DOCK8: variants seen among roughly 807,000 people sequenced by gnomAD.
The protein encoded by DOCK8 is dedicator of cytokinesis 8.
In DOCK8, 141 loss-of-function variants were observed where a neutral mutation model predicts 245.6. The observed-to-expected ratio is 0.57, with a 90% CI of 0.50 to 0.66. The LOEUF (loss-of-function observed/expected upper bound fraction) is 0.66, where lower values mean the gene tolerates loss of function less well. Among genes scored for constraint, DOCK8 ranks in the 30% least tolerant of loss-of-function variants. DOCK8 has a pLI of 0.00. For synonymous variants in DOCK8, 1,168 were observed against 970.2 expected, an observed-to-expected ratio of 1.20 and a Z score of -3.79; for missense variants, 2,965 against 2,603.4, an observed-to-expected ratio of 1.14 and a Z score of -3.02.
chr9:454,555 A>T (rs1310867161), intron 46 of DOCK8: 1 of 152,132 alleles, frequency 6.6e-6, no homozygotes, highest in Non-Finnish European at 1.5e-5. Flanking sequence ...AATGCCTGTG[A>T]TGCACCGGGT....
chr9:450,354 A>G (rs1341090821), intron 45 of DOCK8, among the ~76,000 whole-genome samples: 3 of 152,214 alleles, frequency 2.0e-5, no homozygotes, highest in Admixed American at 2.0e-4. Context: ...CTCTTGGCTC[A>G]GTCAGCAGAT....
chr9:351,308 G>C (rs920571939), intron 14 of DOCK8, among the ~76,000 whole-genome samples: 8 of 152,164 alleles, frequency 5.3e-5, no homozygotes, highest in African/African-American at 1.9e-4. Flanking sequence ...CTTGTTTCTA[G>C]AGTGGCACCC....
At chr9:351,944 A>G (rs952341938) in intron 14 of DOCK8, among the ~76,000 whole-genome samples, 3 of 152,182 alleles carry the variant, frequency 2.0e-5, no homozygotes, top group Admixed American at 2.0e-4. Flanking sequence ...GAAATTTAGC[A>G]TTTACCTAAT....
intron 4 of DOCK8, among the ~76,000 whole-genome samples, chr9:300,348 C>T (rs1024713187): frequency 2.0e-5 from 3 of 152,122 alleles, no homozygotes; most frequent in African/African-American, 7.2e-5. Flanking sequence ...CTACCTAATA[C>T]CTTCCAATAT....
chr9:461,527 ATT>A (rs530827485), intron 46 of DOCK8, among the ~76,000 whole-genome samples: 194 of 67,204 alleles, frequency 2.9e-3, no homozygotes, highest in African/African-American at 0.013. Flanking sequence ...TAGCAACTGC[ATT>A]TTTTTTTTTT....
chr9:333,463 T>A (rs10970938), intron 10 of DOCK8, among the ~76,000 whole-genome samples: 5 of 152,170 alleles, frequency 3.3e-5, no homozygotes, highest in African/African-American at 4.8e-5. Context: ...TAGCCGGGCA[T>A]GGTGGCACGT....
At chr9:418,709 G>T (rs775555377) in intron 30 of DOCK8, among the ~76,000 whole-genome samples, 2 of 152,220 alleles carry the variant, frequency 1.3e-5, no homozygotes, top group Non-Finnish European at 2.9e-5. Flanking sequence ...AGCAAGAGAT[G>T]TGCAGATCAA....
chr9:288,856 A>G (rs1157883229), intron 3 of DOCK8, among the ~76,000 whole-genome samples: 2 of 152,234 alleles, frequency 1.3e-5, no homozygotes, highest in African/African-American at 4.8e-5. Flanking sequence ...CAGATGAGAA[A>G]ATTAAGGCTT....
At chr9:451,178 G>A (rs113009138) in intron 45 of DOCK8, among the ~76,000 whole-genome samples, 10,999 of 151,812 alleles carry the variant, frequency 0.072, 548 homozygotes, top group South Asian at 0.18. Flanking sequence ...CCAGTGTGGT[G>A]GCAGGCGCTT....
intron 26 of DOCK8, among the ~76,000 whole-genome samples, chr9:400,619 A>T (rs1480066320): frequency 2.5e-4 from 14 of 56,064 alleles, no homozygotes; most frequent in African/African-American, 6.5e-4. Flanking sequence ...CACCACCTCC[A>T]CCACCATCAC....
At chr9:361,426 C>T (rs1483119764) in intron 14 of DOCK8, among the ~76,000 whole-genome samples, 1 of 152,138 alleles carries the variant, frequency 6.6e-6, no homozygotes, top group African/African-American at 2.4e-5. Flanking sequence ...GTAAGAAGAT[C>T]ATCTTAATTA....
chr9:317,975 CA>C (rs33920445), intron 7 of DOCK8, among the ~76,000 whole-genome samples: 132,953 of 149,652 alleles, frequency 0.89, 58,990 homozygotes, highest in African/African-American at 0.93. Context: ...ACTATGATAG[CA>C]AAAAAAAAAA....
intron 1 of DOCK8, among the ~76,000 whole-genome samples, chr9:229,826 A>G (rs10965206): frequency 0.24 from 37,123 of 151,978 alleles, 5,670 homozygotes; most frequent in African/African-American, 0.41. Flanking sequence ...AGTAACAGCC[A>G]ACCAAACCAT....
At chr9:390,392 A>G (rs959861325) in intron 23 of DOCK8, 79 bp from the exon 24 acceptor site, 12 of 1,296,052 alleles carry the variant, frequency 9.3e-6, no homozygotes, top group Middle Eastern at 2.0e-4. Context: ...AATTGGGGGG[A>G]ATAAAAGAAA....
intron 14 of DOCK8, among the ~76,000 whole-genome samples, chr9:350,468 T>G (rs963557684): frequency 2.0e-5 from 3 of 152,238 alleles, no homozygotes; most frequent in African/African-American, 7.2e-5. Flanking sequence ...AACTAGATTC[T>G]GCCAATGTAC....
At chr9:424,244 T>A (rs2056395715) in intron 33 of DOCK8, among the ~76,000 whole-genome samples, 1 of 151,356 alleles carries the variant, frequency 6.6e-6, no homozygotes, top group Non-Finnish European at 1.5e-5. Context: ...TAGAATCACC[T>A]GGGGAGCTTT....
rs539979674 is a variant in DOCK8 at position 328,296 on chromosome 9, C to T, written c.1044+125C>T. 12 of 1,299,408 alleles carry T rather than the reference C, an allele frequency of 9.2e-6. No individual in the cohort carries two copies. The East Asian group carries it at 3.0e-4, about 33-fold the overall frequency. The allele number at this position is 1,299,408 out of a possible 1,614,324, so 80.5% of individuals were successfully genotyped here. A position where few individuals can be genotyped will look rare whatever the true frequency, so the allele number is the denominator to read the frequency against. On this transcript the variant is annotated intron_variant, in intron 9 of 47. Coordinates refer to ENST00000432829, the MANE Select transcript of DOCK8 (RefSeq NM_203447.4). ...TATCCTCTGAGATTCACTTTGTTTC[C>T]TTCTCAGTTTACCCCTTTTCCGTTC...
At chr9:366,297 C>G (rs1417216012) in intron 14 of DOCK8, 1 of 152,446 alleles carries the variant, frequency 6.6e-6, no homozygotes, top group African/African-American at 2.4e-5. Flanking sequence ...CAGCACCAGG[C>G]CAGCCCCATT....
At chr9:342,297 C>CTTTTTTTTTTTTTT (rs34071975) in intron 14 of DOCK8, among the ~76,000 whole-genome samples, 3 of 124,414 alleles carry the variant, frequency 2.4e-5, no homozygotes, top group African/African-American at 6.0e-5. Flanking sequence ...TTTCTTTTTT[C>CTTTTTTTTTTTTTT]TTTTTTTTTT....
Sources: gnomAD v4.1 joint callset for allele counts (sites outside exome capture counted in the v4.1 genomes callset) on GRCh38, gnomAD v4.1.1 for gene constraint, MANE v1.5 for transcripts, NCBI Gene and HGNC (gene_info 2026-07-23, HGNC 2026-07-21) for gene names.